Variants in HIPK3 observed in about 807,000 individuals in gnomAD.
HIPK3 encodes homeodomain-interacting protein kinase 3.
HIPK3 carries 47 observed loss-of-function variants against 124.2 expected under a neutral mutation model. That is an observed-to-expected ratio of 0.38 (90% confidence interval 0.30 to 0.48). HIPK3 has a LOEUF of 0.48. Ranked by LOEUF, HIPK3 falls within the 20% of genes least tolerant of loss-of-function variation. The probability of loss-of-function intolerance (pLI) is 0.98; values close to 1 mark genes in which losing one functional copy is unlikely to be tolerated. For missense variants in HIPK3, 1,286 were observed against 1,454.3 expected, an observed-to-expected ratio of 0.88 and a Z score of 1.88; for synonymous variants, 482 against 515.2, an observed-to-expected ratio of 0.94 and a Z score of 0.87.
At chr11:33,294,012 C>CA (rs1259098713) in intron 2 of HIPK3, among the ~76,000 whole-genome samples, 1 of 151,916 alleles carries the variant, frequency 6.6e-6, no homozygotes, top group East Asian at 1.9e-4. Flanking sequence ...ACTAAAAATG[C>CA]AAAAATTGGC....
intron 14 of HIPK3, 83 bp downstream of exon 14, chr11:33,349,370 C>T: frequency 8.7e-7 from 1 of 1,152,330 alleles, no homozygotes; most frequent in Non-Finnish European, 1.2e-6. Flanking sequence ...TTAATAAGTA[C>T]CTGCCAGTTT....
At chr11:33,337,017 C>G in intron 3 of HIPK3, 58 bp from the exon 4 acceptor site, 1 of 1,300,754 alleles carries the variant, frequency 7.7e-7, no homozygotes, top group Admixed American at 2.1e-5. Context: ...TAGTGTCTGA[C>G]TTAAGTGTTC....
At chr11:33,315,823 T>G (rs1852486097) in intron 2 of HIPK3, among the ~76,000 whole-genome samples, 1 of 152,250 alleles carries the variant, frequency 6.6e-6, no homozygotes, top group Non-Finnish European at 1.5e-5. Flanking sequence ...CTCTTGAGTT[T>G]AAAATTTAAT....
intron 2 of HIPK3, among the ~76,000 whole-genome samples, chr11:33,306,082 A>G (rs1028782172): frequency 1.3e-5 from 2 of 152,224 alleles, no homozygotes; most frequent in African/African-American, 4.8e-5. Context: ...ACATTTACAT[A>G]GACATTTCGT....
rs1850703012 is a variant in HIPK3, at chr11:33,257,694, G to C, written c.-198G>C. Reference sequence around the variant, plus strand: ...CAGCAGCAGCAGCAGCAGCGGTCGGGGGAGGGTGTTTCGCCGTTTCCTCTC... The same window carrying C: ...CAGCAGCAGCAGCAGCAGCGGTCGGCGGAGGGTGTTTCGCCGTTTCCTCTC... On this transcript the variant is annotated 5_prime_UTR_variant, in exon 1 of 17. Coordinates refer to ENST00000303296, the MANE Select transcript of HIPK3 (RefSeq NM_005734.5). 1 of 992,978 alleles carries C rather than the reference G, an allele frequency of 1.0e-6. No homozygotes were observed. The highest frequency in any genetic ancestry group is 1.2e-6 in the Non-Finnish European group (1 of 835,644). 61.5% of individuals were successfully genotyped at this position (992,978 alleles called of 1,614,324 possible).
rs1565088011 is a variant in HIPK3 at position 33,328,557 on chromosome 11, T to C, written c.1145T>C (p.Met382Thr). 3 of 1,613,196 alleles carry C rather than the reference T, an allele frequency of 1.9e-6. No homozygotes were observed. Among genetic ancestry groups the C allele is most frequent in the South Asian group, 2.2e-5 (2 of 91,070 alleles). The change falls in exon 3 of 17, where the codon ATG becomes ACG. Residue 382 changes from methionine to threonine, a missense_variant. Met to Thr is a moderately conservative substitution (Grantham distance 81). Transcript: ENST00000303296. ...TTGCCATTTTGTGAAGCCATAGACATGTGGTCATTGGGATGTGTGATTGCA... is the reference window on the plus strand; with the variant it reads ...TTGCCATTTTGTGAAGCCATAGACACGTGGTCATTGGGATGTGTGATTGCA... ...LGLPFCEAID[M>T]WSLGCVIAEL...
At chr11:33,295,284 C>CCG (rs1001408817) in intron 2 of HIPK3, among the ~76,000 whole-genome samples, 1 of 149,552 alleles carries the variant, frequency 6.7e-6, no homozygotes, top group Non-Finnish European at 1.5e-5. Context: ...ACCGCCCCCC[C>CCG]CCCACAACTC....
chr11:33,339,043 A>G (rs888267280), intron 5 of HIPK3, among the ~76,000 whole-genome samples, 200 bp downstream of exon 5: 3 of 152,224 alleles, frequency 2.0e-5, no homozygotes, highest in African/African-American at 7.2e-5. Flanking sequence ...TAATTTACCT[A>G]TTCGTTCTTT....
At chr11:33,271,416 A>T (rs2133876063) in intron 1 of HIPK3, among the ~76,000 whole-genome samples, 1 of 152,242 alleles carries the variant, frequency 6.6e-6, no homozygotes, top group Non-Finnish European at 1.5e-5. Flanking sequence ...AATACAAAAA[A>T]TTAACCGGGT....
intron 2 of HIPK3, among the ~76,000 whole-genome samples, chr11:33,307,779 T>A (rs567479864): frequency 1.1e-3 from 171 of 151,842 alleles, no homozygotes; most frequent in Non-Finnish European, 2.1e-3. Flanking sequence ...TGTGTGTGTG[T>A]GAGTGAGACA....
chr11:33,326,255 A>G (rs929129763), intron 2 of HIPK3, among the ~76,000 whole-genome samples: 2 of 152,144 alleles, frequency 1.3e-5, no homozygotes, highest in Admixed American at 1.3e-4. Flanking sequence ...CTTGATTCCT[A>G]AGTCTAATCC....
intron 1 of HIPK3, among the ~76,000 whole-genome samples, chr11:33,282,669 C>T (rs529989287): frequency 4.0e-5 from 6 of 148,260 alleles, no homozygotes; most frequent in Non-Finnish European, 7.5e-5. Context: ...GGCAATAGAG[C>T]GAGACTGTAT....
chr11:33,267,787 T>C (rs1417238517), intron 1 of HIPK3, among the ~76,000 whole-genome samples: 2 of 152,168 alleles, frequency 1.3e-5, no homozygotes, highest in Non-Finnish European at 2.9e-5. Context: ...TGAGCCACCG[T>C]ACCCGGCCGG....
intron 2 of HIPK3, among the ~76,000 whole-genome samples, chr11:33,300,737 T>A (rs1851975195): frequency 6.6e-6 from 1 of 152,082 alleles, no homozygotes; most frequent in South Asian, 2.1e-4. Context: ...GTGTGTAGTA[T>A]TTTTTTGTTT....
intron 8 of HIPK3, among the ~76,000 whole-genome samples, chr11:33,344,014 TC>T (rs1227658444): frequency 1.3e-5 from 2 of 152,098 alleles, no homozygotes; most frequent in Non-Finnish European, 2.9e-5. Flanking sequence ...TTCAGTTTTT[TC>T]CCCCAAGTGT....
Position 33,341,012 on chromosome 11 carries a change from T to G in HIPK3, c.1658T>G (p.Leu553Arg). 1.9e-6 allele frequency: 3 copies of G among 1,608,080 alleles called. No homozygotes were observed. Among genetic ancestry groups the G allele is most frequent in the Non-Finnish European group, 2.6e-6 (3 of 1,174,954 alleles). Residue 553 changes from leucine to arginine, a missense_variant, in exon 7 of 17, where the codon CTA becomes CGA. Leu to Arg is a moderately radical substitution (Grantham distance 102). Transcript: ENST00000303296. ...FHIMDICKSH[L>R]NSCDTNNHNK... ...ATTATGGATATTTGTAAGTCCCACC[T>G]AAATTCATGTGACACAAATAATCAC...
chr11:33,304,296 G>T (rs1285306498), intron 2 of HIPK3, among the ~76,000 whole-genome samples: 1 of 152,192 alleles, frequency 6.6e-6, no homozygotes, highest in African/African-American at 2.4e-5. Context: ...AGTGGCTCAT[G>T]CCTGTAATCC....
intron 3 of HIPK3, among the ~76,000 whole-genome samples, chr11:33,331,072 G>A (rs1172342477): frequency 6.6e-6 from 1 of 151,768 alleles, no homozygotes; most frequent in African/African-American, 2.4e-5. Context: ...TAGTAGAGAT[G>A]GGGTTTCATC....
At chr11:33,272,562 T>C (rs188779400) in intron 1 of HIPK3, among the ~76,000 whole-genome samples, 3 of 152,318 alleles carry the variant, frequency 2.0e-5, no homozygotes, top group Admixed American at 6.5e-5. Context: ...CTGTATCACC[T>C]TCCTCAAAGT....
Sources: allele counts gnomAD v4.1 joint callset (sites outside exome capture counted in the v4.1 genomes callset), GRCh38; gene constraint gnomAD v4.1.1; transcripts MANE v1.5; gene names NCBI Gene and HGNC (gene_info 2026-07-23, HGNC 2026-07-21).